Variants in CACNB4 observed in about 807,000 individuals in gnomAD.
CACNB4 encodes calcium voltage-gated channel auxiliary subunit beta 4.
A neutral mutation model predicts 71.2 loss-of-function variants in CACNB4; 32 were observed. The ratio of observed to expected loss-of-function variants is 0.45; its 90% CI spans 0.34 to 0.60. The LOEUF is 0.60. Ranked by LOEUF, CACNB4 falls within the 20% of genes least tolerant of loss-of-function variation. The pLI is 0.01. For missense variants in CACNB4, 464 were observed against 647.9 expected (o/e 0.72, Z 3.08); for synonymous variants, 231 against 236.9 (o/e 0.97, Z 0.23).
intron 13 of CACNB4, among the ~76,000 whole-genome samples, chr2:151,841,003 G>C (rs963774372): frequency 6.6e-6 from 1 of 152,200 alleles, no homozygotes; most frequent in Admixed American, 6.5e-5. Context: ...GCAGAAGGGA[G>C]AACCTCTTGA....
At chr2:152,089,833 T>A (rs1687871543) in intron 2 of CACNB4, among the ~76,000 whole-genome samples, 2 of 151,630 alleles carry the variant, frequency 1.3e-5, no homozygotes, top group African/African-American at 4.9e-5. Flanking sequence ...TCCCAGCTAC[T>A]TGTAGGCTGA....
chr2:151,924,073 C>CT (rs59036016), intron 2 of CACNB4, among the ~76,000 whole-genome samples: 1,392 of 91,324 alleles, frequency 0.015, 122 homozygotes, highest in African/African-American at 0.049. Context: ...ATTCTGAAAT[C>CT]TTTTTTTTTT....
intron 2 of CACNB4, among the ~76,000 whole-genome samples, chr2:152,067,396 G>C (rs988880688): frequency 1.3e-5 from 2 of 150,694 alleles, no homozygotes; most frequent in African/African-American, 4.9e-5. Context: ...TGTGGGGGGG[G>C]GGGTGCCTCT....
At chr2:151,957,000 G>T (rs561097747) in intron 2 of CACNB4, among the ~76,000 whole-genome samples, 3 of 152,128 alleles carry the variant, frequency 2.0e-5, no homozygotes, top group Non-Finnish European at 4.4e-5. Flanking sequence ...ACAAAAATTA[G>T]CCGTTAGCTG....
At chr2:152,029,869 C>A (rs1684185322) in intron 2 of CACNB4, among the ~76,000 whole-genome samples, 1 of 152,230 alleles carries the variant, frequency 6.6e-6, no homozygotes. Flanking sequence ...CCAAATCTAC[C>A]AACACCTTGA....
At chr2:151,922,663 T>G (rs1578810864) in intron 2 of CACNB4, among the ~76,000 whole-genome samples, 1 of 152,240 alleles carries the variant, frequency 6.6e-6, no homozygotes, top group East Asian at 1.9e-4. Context: ...ATTCATGACA[T>G]TTCCAGTATC....
chr2:151,947,785 A>G (rs2099865966), intron 2 of CACNB4, among the ~76,000 whole-genome samples: 1 of 152,150 alleles, frequency 6.6e-6, no homozygotes, highest in Non-Finnish European at 1.5e-5. Flanking sequence ...GCAGAAAGAG[A>G]GATAAGATCA....
At chr2:152,071,854 A>C (rs1269441984) in intron 2 of CACNB4, among the ~76,000 whole-genome samples, 1 of 152,250 alleles carries the variant, frequency 6.6e-6, no homozygotes, top group Non-Finnish European at 1.5e-5. Context: ...CAAATATACC[A>C]GAGCCAGGCC....
chr2:152,020,347 G>T (rs944093163), intron 2 of CACNB4, among the ~76,000 whole-genome samples: 2 of 152,166 alleles, frequency 1.3e-5, no homozygotes, highest in Admixed American at 1.3e-4. Flanking sequence ...GTGAGAACTG[G>T]ATAAGTGCCA....
intron 2 of CACNB4, among the ~76,000 whole-genome samples, chr2:151,966,180 ACAGAGT>A (rs930467063): frequency 1.3e-5 from 2 of 152,382 alleles, no homozygotes; most frequent in Admixed American, 1.3e-4. Flanking sequence ...ACTGAGGATT[ACAGAGT>A]CAGAGATTAA....
At chr2:152,093,400 G>GGTGT (rs34845177) in intron 2 of CACNB4, among the ~76,000 whole-genome samples, 17,253 of 146,584 alleles carry the variant, frequency 0.12, 2,135 homozygotes, top group African/African-American at 0.31. Context: ...GCTGTTTTTT[G>GGTGT]GTGTGTGTGT....
At chr2:152,082,661 AAC>A (rs1177686567) in intron 2 of CACNB4, among the ~76,000 whole-genome samples, 3 of 152,218 alleles carry the variant, frequency 2.0e-5, no homozygotes, top group Admixed American at 1.3e-4. Context: ...CAACAAGGAA[AAC>A]AGAGGCCTTA....
intron 2 of CACNB4, among the ~76,000 whole-genome samples, chr2:151,902,553 A>T (rs904086204): frequency 3.3e-5 from 5 of 152,214 alleles, no homozygotes; most frequent in Non-Finnish European, 7.3e-5. Flanking sequence ...AAATTAAATC[A>T]TATCTGTCTT....
intron 5 of CACNB4, among the ~76,000 whole-genome samples, chr2:151,875,571 C>T (rs1194202087): frequency 1.2e-4 from 18 of 148,930 alleles, no homozygotes; most frequent in Non-Finnish European, 2.2e-4. Context: ...TAGGGGCGGC[C>T]GGGCAGAGGC....
chr2:151,991,873 G>A (rs1334605812), intron 2 of CACNB4, among the ~76,000 whole-genome samples: 2 of 152,134 alleles, frequency 1.3e-5, no homozygotes, highest in Non-Finnish European at 2.9e-5. Flanking sequence ...CTTTCGGAGG[G>A]GATCTTAGGA....
At chr2:151,976,295 T>C (rs1297768820) in intron 2 of CACNB4, among the ~76,000 whole-genome samples, 1 of 152,206 alleles carries the variant, frequency 6.6e-6, no homozygotes, top group Non-Finnish European at 1.5e-5. Context: ...ATCTGGCCTT[T>C]TAGTGCCTAC....
At chr2:151,871,326 C>T (rs916709916) in intron 6 of CACNB4, 4 of 154,718 alleles carry the variant, frequency 2.6e-5, no homozygotes, top group African/African-American at 9.6e-5. Flanking sequence ...GTCCCTTGGG[C>T]ATTTTTGCCC....
chr2:152,077,148 C>T (rs1314324787), intron 2 of CACNB4, among the ~76,000 whole-genome samples: 1 of 152,212 alleles, frequency 6.6e-6, no homozygotes, highest in East Asian at 1.9e-4. Flanking sequence ...GAGCCGAGCA[C>T]AGTGGCTCAT....
chr2:152,047,100 T>C lies in CACNB4; in HGVS notation c.147+51230A>G, dbSNP rs184798007. Among the ~76,000 whole-genome samples, 375 of 152,204 alleles carry C rather than the reference T, an allele frequency of 2.5e-3. 3 individuals are homozygous for C. The highest frequency in any genetic ancestry group is 8.4e-3 in the African/African-American group (349 of 41,534). On this transcript the variant is annotated intron_variant, in intron 2 of 13. Transcript: ENST00000539935. ...GCCAGCAACTAAGGAAATGAATAAA[T>C]AACCTGCTAAGCAAGAAGGTAAAAA...
Sources: gnomAD v4.1 joint callset for allele counts (sites outside exome capture counted in the v4.1 genomes callset) on GRCh38, gnomAD v4.1.1 for gene constraint, MANE v1.5 for transcripts, NCBI Gene and HGNC (gene_info 2026-07-23, HGNC 2026-07-21) for gene names.